The following TBCK variants were observed in gnomAD, a reference collection of about 807,000 sequenced individuals.
TBCK encodes the protein TBC1 domain containing kinase.
In TBCK, 99 loss-of-function variants were observed where a neutral mutation model predicts 113.4. The observed-to-expected ratio is 0.87, with a 90% CI of 0.74 to 1.03. The LOEUF (loss-of-function observed/expected upper bound fraction) is 1.03. Among genes scored for constraint, TBCK ranks in the 50% least tolerant of loss-of-function variants. TBCK has a pLI of 0.00. For missense variants in TBCK, 1,045 were observed against 1,061.3 expected (o/e 0.98, Z 0.21); for synonymous variants, 369 against 370.8 (o/e 1.00, Z 0.05).
At chr4:106,101,588 G>A (rs1741561268) in intron 24 of TBCK, among the ~76,000 whole-genome samples, 1 of 152,102 alleles carries the variant, frequency 6.6e-6, no homozygotes, top group Admixed American at 6.5e-5. Flanking sequence ...ATACAACTGG[G>A]TTTATGTGTT....
At chr4:106,241,093 TTC>T (rs1249839237) in intron 12 of TBCK, among the ~76,000 whole-genome samples, 1 of 151,950 alleles carries the variant, frequency 6.6e-6, no homozygotes, top group Non-Finnish European at 1.5e-5. Flanking sequence ...TTTTCAACTT[TTC>T]TGTTTAAAAA....
chr4:106,250,409 G>A lies in TBCK; in HGVS notation c.658+9C>T, dbSNP rs184112037. On this transcript the variant is annotated intron_variant, in intron 7 of 25. Coordinates refer to ENST00000394708, the MANE Select transcript of TBCK (RefSeq NM_001163435.3). ...ATATTTGAAAGATAAGCAATTGTAC[G>A]ACACTTACCCAAAGTAAGCAAAAAT... 81 of 1,535,928 alleles carry A rather than the reference G, an allele frequency of 5.3e-5. No homozygotes were observed. The African/African-American group carries it at 8.5e-4, about 16-fold the overall frequency.
chr4:106,080,842 A>T (rs1738767371), intron 25 of TBCK, among the ~76,000 whole-genome samples: 1 of 152,162 alleles, frequency 6.6e-6, no homozygotes, highest in Non-Finnish European at 1.5e-5. Context: ...AAAAAAACCC[A>T]TTAGAAAGTG....
intron 3 of TBCK, among the ~76,000 whole-genome samples, chr4:106,291,797 G>A (rs1050476324): frequency 4.6e-5 from 7 of 152,292 alleles, no homozygotes; most frequent in African/African-American, 1.7e-4. Context: ...AAGGTAGCAC[G>A]TGTTCCTCTT....
At chr4:106,274,191 A>T (rs1441006192) in intron 3 of TBCK, among the ~76,000 whole-genome samples, 1 of 152,240 alleles carries the variant, frequency 6.6e-6, no homozygotes, top group Non-Finnish European at 1.5e-5. Context: ...CAATCAAAAG[A>T]TGAAAAATAA....
intron 22 of TBCK, among the ~76,000 whole-genome samples, chr4:106,184,429 C>T (rs1418883375): frequency 6.6e-6 from 1 of 151,862 alleles, no homozygotes; most frequent in Non-Finnish European, 1.5e-5. Flanking sequence ...GGGAGTAATA[C>T]CCTATGTATT....
chr4:106,235,395 G>T lies in TBCK; in HGVS notation c.1351-28C>A, dbSNP rs373734501. 8 of 1,480,374 alleles carry T rather than the reference G, an allele frequency of 5.4e-6. No homozygotes were observed. The Admixed American group carries it at 1.3e-4, about 25-fold the overall frequency. 91.7% of individuals were successfully genotyped at this position (1,480,374 alleles called of 1,614,324 possible). ...ATGATATCAAAAAAGAAATGAAAAC[G>T]TCTCAAATTACCTAGTGCCATCTTT... On this transcript the variant is annotated intron_variant, in intron 14 of 25. Coordinates refer to ENST00000394708, the MANE Select transcript of TBCK (RefSeq NM_001163435.3).
chr4:106,247,322 A>G (rs1760951306), intron 9 of TBCK, 35 bp from the exon 10 acceptor site: 2 of 1,598,518 alleles, frequency 1.3e-6, no homozygotes, highest in Non-Finnish European at 1.7e-6. Context: ...CATGAATGAA[A>G]GTCATAAAAA....
intron 24 of TBCK, among the ~76,000 whole-genome samples, chr4:106,110,342 G>A (rs553476141): frequency 1.2e-4 from 19 of 152,294 alleles, no homozygotes; most frequent in African/African-American, 2.9e-4. Flanking sequence ...AATGGACTGC[G>A]ATAGAACCCT....
chr4:106,216,111 T>G (rs1048099076), intron 19 of TBCK, among the ~76,000 whole-genome samples: 4 of 152,290 alleles, frequency 2.6e-5, no homozygotes, highest in African/African-American at 9.6e-5. Flanking sequence ...TCCTCCTGAA[T>G]GACTACTGGG....
intron 25 of TBCK, among the ~76,000 whole-genome samples, chr4:106,090,492 A>C (rs1740090016): frequency 1.3e-5 from 2 of 152,102 alleles, no homozygotes; most frequent in South Asian, 4.2e-4. Context: ...TAGTCACGCT[A>C]ATCTCTCTAG....
At chr4:106,293,237 T>C (rs1311937333) in intron 3 of TBCK, among the ~76,000 whole-genome samples, 2 of 152,158 alleles carry the variant, frequency 1.3e-5, no homozygotes, top group African/African-American at 4.8e-5. Context: ...ATCACTCCTT[T>C]TCAGCCTGCT....
chr4:106,238,290 T>C (rs1315106303), intron 12 of TBCK, among the ~76,000 whole-genome samples: 1 of 152,164 alleles, frequency 6.6e-6, no homozygotes, highest in African/African-American at 2.4e-5. Context: ...AATAGTTATA[T>C]ATTTTAATTT....
intron 22 of TBCK, among the ~76,000 whole-genome samples, chr4:106,190,415 G>A (rs951526683): frequency 2.0e-5 from 3 of 152,210 alleles, no homozygotes; most frequent in Non-Finnish European, 4.4e-5. Flanking sequence ...CCACTCATCT[G>A]ATGGTGATAT....
intron 24 of TBCK, among the ~76,000 whole-genome samples, chr4:106,115,836 C>G (rs938694425): frequency 3.9e-5 from 6 of 152,146 alleles, no homozygotes; most frequent in African/African-American, 1.4e-4. Context: ...ATGTAGCAAA[C>G]TTTTTCTCTA....
Position 106,309,741 on chromosome 4 carries a change from T to C in TBCK, c.-29-752A>G, listed in dbSNP as rs1308853487. 3.9e-5 allele frequency among the ~76,000 whole-genome samples: 6 copies of C among 152,294 alleles called. No individual in the cohort carries two copies. The South Asian group carries it at 1.2e-3, about 32-fold the overall frequency. On this transcript the variant is annotated intron_variant, in intron 1 of 25. Transcript: ENST00000394708. The stretch of plus-strand genomic sequence containing the variant: ...GAATAGGGGACCTTATTAATAGTAG[T>C]AAAGCTTAAACTAGATTAAAAGAAG...
chr4:106,116,128 C>A, intron 24 of TBCK, 75 bp downstream of exon 24: 3 of 1,389,626 alleles, frequency 2.2e-6, no homozygotes, highest in Non-Finnish European at 2.9e-6. Flanking sequence ...TTTTTTTAAC[C>A]ACACAACACT....
At chr4:106,207,492 GAA>G (rs896405120) in intron 20 of TBCK, among the ~76,000 whole-genome samples, 36 of 152,106 alleles carry the variant, frequency 2.4e-4, no homozygotes, top group African/African-American at 8.2e-4. Context: ...ATTAAAGGTA[GAA>G]CATTAAAGAC....
chr4:106,050,929 G>C (rs771534023), intron 25 of TBCK, among the ~76,000 whole-genome samples: 1 of 151,920 alleles, frequency 6.6e-6, no homozygotes, highest in Non-Finnish European at 1.5e-5. Context: ...GATGTGGTCA[G>C]GCACACCTTA....
Sources: gnomAD v4.1 joint callset for allele counts (sites outside exome capture counted in the v4.1 genomes callset) on GRCh38, gnomAD v4.1.1 for gene constraint, MANE v1.5 for transcripts, NCBI Gene and HGNC (gene_info 2026-07-23, HGNC 2026-07-21) for gene names.